The following TNRC6B variants were observed in gnomAD, a reference collection of about 807,000 sequenced individuals.
TNRC6B encodes the protein trinucleotide repeat-containing gene 6B protein.
In TNRC6B, 52 loss-of-function variants were observed where a neutral mutation model predicts 203.6. The observed-to-expected ratio is 0.26, with a 90% CI of 0.20 to 0.32. TNRC6B has a LOEUF of 0.32. Ranked by LOEUF, TNRC6B falls within the 10% of genes least tolerant of loss-of-function variation. The probability of loss-of-function intolerance (pLI) is 1.00; values close to 1 mark genes in which losing one functional copy is unlikely to be tolerated. For synonymous variants in TNRC6B, 838 were observed against 845.7 expected, an observed-to-expected ratio of 0.99 and a Z score of 0.16; for missense variants, 1,923 against 2,286.2, an observed-to-expected ratio of 0.84 and a Z score of 3.24.
intron 1 of TNRC6B, among the ~76,000 whole-genome samples, chr22:40,091,420 A>C (rs539977511): frequency 6.6e-6 from 1 of 152,214 alleles, no homozygotes; most frequent in Non-Finnish European, 1.5e-5. Context: ...AGTTGGAAAA[A>C]TCCAGATTAT....
intron 19 of TNRC6B, among the ~76,000 whole-genome samples, chr22:40,314,415 G>GCTGAATCAGTTGCAAAAACTC (rs2071229189): frequency 6.6e-6 from 1 of 152,082 alleles, no homozygotes; most frequent in Non-Finnish European, 1.5e-5. Context: ...AACACTCCAT[G>GCTGAATCAGTTGCAAAAACTC]CTGAATCAGT....
At chr22:40,190,394 A>C (rs963265486) in intron 1 of TNRC6B, among the ~76,000 whole-genome samples, 1 of 152,226 alleles carries the variant, frequency 6.6e-6, no homozygotes, top group Non-Finnish European at 1.5e-5. Flanking sequence ...GTAAAATGGC[A>C]AGTAGGTTAT....
chr22:40,293,482 C>T (rs181641814), intron 12 of TNRC6B, among the ~76,000 whole-genome samples: 33 of 152,006 alleles, frequency 2.2e-4, no homozygotes, highest in African/African-American at 7.5e-4. Context: ...CATGAGCCAC[C>T]GTGCCTGGCC....
intron 1 of TNRC6B, among the ~76,000 whole-genome samples, chr22:40,062,052 C>T (rs1464908882): frequency 1.3e-5 from 2 of 152,030 alleles, no homozygotes; most frequent in Non-Finnish European, 2.9e-5. Flanking sequence ...CCAGCCTGGG[C>T]AACACAGCGA....
At chr22:40,097,517 C>T (rs1434510730) in intron 1 of TNRC6B, among the ~76,000 whole-genome samples, 10 of 152,116 alleles carry the variant, frequency 6.6e-5, no homozygotes, top group African/African-American at 1.9e-4. Flanking sequence ...CTATATTGCC[C>T]AGGCTGGTCT....
chr22:40,251,511 G>A (rs973758060), intron 3 of TNRC6B, among the ~76,000 whole-genome samples: 5 of 152,094 alleles, frequency 3.3e-5, no homozygotes, highest in African/African-American at 1.2e-4. Context: ...CTGAGGTCGG[G>A]AGTTTGAGAC....
At chr22:40,049,093 C>T (rs1383557647) in intron 1 of TNRC6B, among the ~76,000 whole-genome samples, 1 of 152,024 alleles carries the variant, frequency 6.6e-6, no homozygotes, top group Non-Finnish European at 1.5e-5. Context: ...AACATTTATA[C>T]ACTGCTGGCT....
At chr22:40,293,535 G>A (rs1254333976) in intron 12 of TNRC6B, among the ~76,000 whole-genome samples, 6 of 151,118 alleles carry the variant, frequency 4.0e-5, no homozygotes, top group East Asian at 2.0e-4. Context: ...TGAATTTCTC[G>A]ATGGTACTGC....
At chr22:40,302,762 G>T (rs1569061665) in intron 15 of TNRC6B, among the ~76,000 whole-genome samples, 2 of 152,198 alleles carry the variant, frequency 1.3e-5, no homozygotes, top group South Asian at 2.1e-4. Context: ...CGTGCAGGGG[G>T]TGAGCAAAGA....
At chr22:40,292,967 T>G (rs1448012226) in intron 12 of TNRC6B, among the ~76,000 whole-genome samples, 1 of 152,218 alleles carries the variant, frequency 6.6e-6, no homozygotes, top group East Asian at 1.9e-4. Flanking sequence ...TTTTTTGCAC[T>G]TAACCCATAT....
intron 1 of TNRC6B, among the ~76,000 whole-genome samples, chr22:40,239,434 G>A (rs1018104838): frequency 6.6e-6 from 1 of 152,130 alleles, no homozygotes; most frequent in Non-Finnish European, 1.5e-5. Flanking sequence ...AACAAGAGAC[G>A]GGGCAATAGT....
chr22:40,064,711 G>A (rs538027478), intron 1 of TNRC6B, among the ~76,000 whole-genome samples: 1 of 151,600 alleles, frequency 6.6e-6, no homozygotes, highest in Non-Finnish European at 1.5e-5. Flanking sequence ...CTGGCTCCTG[G>A]GTTCAAGCAA....
intron 1 of TNRC6B, among the ~76,000 whole-genome samples, chr22:40,104,960 G>A (rs2068270413): frequency 6.6e-6 from 1 of 152,180 alleles, no homozygotes; most frequent in Admixed American, 6.5e-5. Context: ...AGGTTTCTCA[G>A]AGGAGAGGCA....
chr22:40,259,185 T>A (rs1431408469), intron 3 of TNRC6B, among the ~76,000 whole-genome samples: 1 of 152,172 alleles, frequency 6.6e-6, no homozygotes, highest in African/African-American at 2.4e-5. Context: ...TATGTATCCA[T>A]CTGTTGTTAT....
At chr22:40,224,702 C>T (rs1460574214) in intron 1 of TNRC6B, among the ~76,000 whole-genome samples, 1 of 152,186 alleles carries the variant, frequency 6.6e-6, no homozygotes, top group African/African-American at 2.4e-5. Context: ...GGTTGCCTTC[C>T]CAGCTTTCTT....
At chr22:40,316,470 A>G (rs140911078) in intron 21 of TNRC6B, among the ~76,000 whole-genome samples, 3 of 152,120 alleles carry the variant, frequency 2.0e-5, no homozygotes, top group African/African-American at 7.2e-5. Context: ...GTCTGAAATC[A>G]GTCCAAGCAA....
At chr22:40,199,225 T>C (rs990177475) in intron 1 of TNRC6B, among the ~76,000 whole-genome samples, 11 of 152,262 alleles carry the variant, frequency 7.2e-5, no homozygotes, top group Non-Finnish European at 1.3e-4. Flanking sequence ...AGAAAACCTA[T>C]GTACGGACTT....
intron 3 of TNRC6B, among the ~76,000 whole-genome samples, chr22:40,133,156 TA>T (rs1253223587): frequency 2.6e-5 from 4 of 151,732 alleles, no homozygotes; most frequent in Non-Finnish European, 5.9e-5. Context: ...TTTGACTGGT[TA>T]AATGTAATGC....
chr22:40,085,832 A>G (rs1432992692), intron 1 of TNRC6B, among the ~76,000 whole-genome samples: 3 of 147,834 alleles, frequency 2.0e-5, no homozygotes, highest in Non-Finnish European at 4.4e-5. Flanking sequence ...AGCTAGAGAA[A>G]CTATTTTTGT....
Sources: gnomAD v4.1 joint callset for allele counts (sites outside exome capture counted in the v4.1 genomes callset) on GRCh38, gnomAD v4.1.1 for gene constraint, MANE v1.5 for transcripts, NCBI Gene and HGNC (gene_info 2026-07-23, HGNC 2026-07-21) for gene names.